CUEDC1: variants seen among roughly 807,000 people sequenced by gnomAD.
CUEDC1 encodes the protein CUE domain-containing protein 1.
CUEDC1 carries 30 observed loss-of-function variants against 43.7 expected under a neutral mutation model. The ratio of observed to expected loss-of-function variants is 0.69; its 90% CI spans 0.51 to 0.93. The LOEUF is 0.93. CUEDC1 is among the 40% of genes least tolerant of loss of function. CUEDC1 has a pLI of 0.00. For missense variants in CUEDC1, 486 were observed against 549.0 expected (o/e 0.89, Z 1.15); for synonymous variants, 223 against 223.6 (o/e 1.00, Z 0.02).
At chr17:57,951,738 C>A (rs2075009287) in intron 1 of CUEDC1, among the ~76,000 whole-genome samples, 1 of 152,180 alleles carries the variant, frequency 6.6e-6, no homozygotes, top group African/African-American at 2.4e-5. Context: ...GGATTACAGG[C>A]AGGAGCCACC....
intron 1 of CUEDC1, among the ~76,000 whole-genome samples, chr17:57,951,976 A>C (rs2075011618): frequency 6.6e-6 from 1 of 152,184 alleles, no homozygotes; most frequent in Admixed American, 6.5e-5. Flanking sequence ...CTGGAAGCCA[A>C]GGGGATCAGA....
intron 1 of CUEDC1, among the ~76,000 whole-genome samples, chr17:57,919,955 T>A (rs562485537): frequency 2.0e-5 from 3 of 152,332 alleles, no homozygotes; most frequent in East Asian, 1.9e-4. Context: ...TATTAATAAC[T>A]AACATTTATC....
At chr17:57,865,794 G>A (rs11869327) in intron 10 of CUEDC1, among the ~76,000 whole-genome samples, 22,482 of 151,384 alleles carry the variant, frequency 0.15, 1,808 homozygotes, top group South Asian at 0.21. Context: ...GTGCACAGCC[G>A]GGTTGAGACC....
At chr17:57,868,106 C>T (rs1568026361) in intron 8 of CUEDC1, 44 bp downstream of exon 8, 2 of 1,543,266 alleles carry the variant, frequency 1.3e-6, no homozygotes, top group Non-Finnish European at 1.8e-6. Context: ...CTCCATGGCC[C>T]TTGGCTTCCA....
chr17:57,900,220 A>G (rs370796237), intron 1 of CUEDC1, among the ~76,000 whole-genome samples: 1 of 152,192 alleles, frequency 6.6e-6, no homozygotes, highest in Admixed American at 6.5e-5. Flanking sequence ...CGAGGGCCTC[A>G]ATCTCTACTT....
chr17:57,868,139 G>A lies in CUEDC1; in HGVS notation c.1034+11C>T, dbSNP rs755831744. ...CCACCACCCCCACCAGTGCCAGGCTGGAAAGGATACGACTGATGCTTCAAC... is the reference window on the plus strand; with the variant it reads ...CCACCACCCCCACCAGTGCCAGGCTAGAAAGGATACGACTGATGCTTCAAC... On this transcript the variant is annotated intron_variant, in intron 8 of 10. Coordinates refer to ENST00000577830, the MANE Select transcript of CUEDC1 (RefSeq NM_001271875.2). 6.2e-7 allele frequency: 1 copy of A among 1,610,604 alleles called. No individual in the cohort carries two copies. Among genetic ancestry groups the A allele is most frequent in the Non-Finnish European group, 8.5e-7 (1 of 1,176,786 alleles).
intron 8 of CUEDC1, 85 bp from the exon 9 acceptor site, chr17:57,867,500 C>T (rs913198920): frequency 5.6e-6 from 7 of 1,253,930 alleles, no homozygotes; most frequent in South Asian, 3.8e-5. Flanking sequence ...CTGCCCCACC[C>T]CTCAAAGCTC....
rs529823791 is a variant in CUEDC1 at position 57,914,160 on chromosome 17, A to C, written c.-315-28281T>G. Among the ~76,000 whole-genome samples the C allele has an allele frequency of 1.1e-4, 16 of 152,310 alleles. No homozygotes were observed. In the South Asian group the frequency reaches 3.3e-3, roughly 32 times the overall value. Reference sequence around the variant, plus strand: ...GTGCCCAGCATAGAGCAGGCAAGGAATATGTCTATTTATGTTGATCAGAAG... The same window carrying C: ...GTGCCCAGCATAGAGCAGGCAAGGACTATGTCTATTTATGTTGATCAGAAG... On this transcript the variant is annotated intron_variant, in intron 1 of 10. Coordinates refer to ENST00000577830, the MANE Select transcript of CUEDC1 (RefSeq NM_001271875.2).
At chr17:57,902,888 A>C (rs1363256869) in intron 1 of CUEDC1, 1 of 152,220 alleles carries the variant, frequency 6.6e-6, no homozygotes, top group Non-Finnish European at 1.5e-5. Context: ...AGAGGAGTTA[A>C]ATACCTTGCC....
At chr17:57,912,686 A>C (rs2074596432) in intron 1 of CUEDC1, among the ~76,000 whole-genome samples, 1 of 152,238 alleles carries the variant, frequency 6.6e-6, no homozygotes, top group Non-Finnish European at 1.5e-5. Flanking sequence ...AAAACAAACA[A>C]TAATAACGCC....
At chr17:57,880,028 G>A (rs2074182368) in intron 2 of CUEDC1, among the ~76,000 whole-genome samples, 1 of 152,174 alleles carries the variant, frequency 6.6e-6, no homozygotes. Flanking sequence ...TCAAATACAG[G>A]CAGAAACAAA....
intron 1 of CUEDC1, among the ~76,000 whole-genome samples, chr17:57,934,861 C>T (rs548884843): frequency 6.6e-6 from 1 of 152,240 alleles, no homozygotes; most frequent in African/African-American, 2.4e-5. Flanking sequence ...GCATGCCCCA[C>T]CATGCCCAGC....
At chr17:57,901,316 T>G (rs1010179826) in intron 1 of CUEDC1, among the ~76,000 whole-genome samples, 2 of 152,230 alleles carry the variant, frequency 1.3e-5, no homozygotes, top group African/African-American at 4.8e-5. Context: ...AAACTGACTT[T>G]CACAGACTGC....
intron 1 of CUEDC1, chr17:57,903,380 G>A (rs2145009382): frequency 6.6e-6 from 1 of 152,470 alleles, no homozygotes; most frequent in Non-Finnish European, 1.5e-5. Flanking sequence ...AAGAGGAAGT[G>A]GCCACACTTG....
intron 1 of CUEDC1, among the ~76,000 whole-genome samples, chr17:57,937,084 G>A (rs1395346458): frequency 6.6e-6 from 1 of 151,932 alleles, no homozygotes; most frequent in Non-Finnish European, 1.5e-5. Context: ...CTCCCAAAGT[G>A]CTGGGATTAC....
intron 1 of CUEDC1, among the ~76,000 whole-genome samples, chr17:57,935,400 C>A (rs999025872): frequency 2.3e-4 from 34 of 146,516 alleles, no homozygotes; most frequent in African/African-American, 5.2e-4. Flanking sequence ...CACACACACA[C>A]ACACAAACAC....
intron 10 of CUEDC1, among the ~76,000 whole-genome samples, chr17:57,864,950 G>C (rs1435625161): frequency 6.6e-6 from 1 of 152,170 alleles, no homozygotes; most frequent in South Asian, 2.1e-4. Context: ...CCAGCTACTC[G>C]GGAGGCTGAG....
intron 2 of CUEDC1, among the ~76,000 whole-genome samples, chr17:57,883,199 C>T (rs1370135462): frequency 6.6e-6 from 1 of 152,196 alleles, no homozygotes; most frequent in Non-Finnish European, 1.5e-5. Context: ...GCAACACGTA[C>T]TCATTCAACA....
chr17:57,867,246 G>A, intron 9 of CUEDC1, 111 bp downstream of exon 9: 3 of 1,014,688 alleles, frequency 3.0e-6, no homozygotes, highest in Admixed American at 2.0e-5. Context: ...CCAACCCTCA[G>A]TGTGTTCCTC....
Sources: gnomAD v4.1 joint callset for allele counts (sites outside exome capture counted in the v4.1 genomes callset) on GRCh38, gnomAD v4.1.1 for gene constraint, MANE v1.5 for transcripts, NCBI Gene and HGNC (gene_info 2026-07-23, HGNC 2026-07-21) for gene names.